FASN: variants seen among roughly 807,000 people sequenced by gnomAD.
FASN encodes the protein 3-hydroxyacyl-[acyl-carrier-protein] dehydratase.
In FASN, 50 loss-of-function variants were observed where a neutral mutation model predicts 250.0. The observed-to-expected ratio is 0.20, with a 90% CI of 0.16 to 0.25. The LOEUF is 0.25. Ranked by LOEUF, FASN falls within the 10% of genes least tolerant of loss-of-function variation. The pLI, the probability that FASN is intolerant of heterozygous loss-of-function variation, is 1.00. For missense variants in FASN, 3,031 were observed against 3,498.5 expected (o/e 0.87, Z 3.37); for synonymous variants, 1,909 against 1,584.0 (o/e 1.21, Z -4.87).
chr17:82,089,628 C>T lies in FASN; in HGVS notation c.1965+4G>A, dbSNP rs1488864366. On this transcript the variant is annotated splice_donor_region_variant and intron_variant, in intron 12 of 42. Coordinates refer to ENST00000306749, the MANE Select transcript of FASN (RefSeq NM_004104.5). ...GAGGAGCCCGCCCAGGCCGCAGCAC[C>T]CACCTGAGGTCCCGAGATGGTGACT... 1 of 1,596,310 alleles carries T rather than the reference C, an allele frequency of 6.3e-7. No individual in the cohort carries two copies. Among genetic ancestry groups the T allele is most frequent in the Non-Finnish European group, 8.5e-7 (1 of 1,172,226 alleles).
In FASN at chr17:82,087,707, G is replaced by C. The variant is rs1400540846; in HGVS notation, c.3021C>G (p.Gly1007=). ...RGYDYGPHFQ[G]ILEASLEGDS... is the part of the protein sequence containing the mutation. ...CACCTTCCAGGCTGGCCTCCAGGAT[G>C]CCCTGGAAATGAGGGCCGTAGTCGT... Residue 1007 remains glycine, a synonymous_variant, in exon 19 of 43, where the codon GGC becomes GGG. Coordinates refer to ENST00000306749, the MANE Select transcript of FASN (RefSeq NM_004104.5). 4.3e-6 allele frequency: 7 copies of C among 1,612,034 alleles called. No homozygotes were observed. The South Asian group carries it at 7.7e-5, about 18-fold the overall frequency.
rs181971369 is a variant in FASN, at chr17:82,089,888, C to T, written c.1871-162G>A. ...GGTTCGCCCCCTGCTGTGTTTGACC[C>T]GTGGGTGGAGGTGTCATTACAGAGC... is the stretch of plus-strand genomic sequence containing the variant. On this transcript the variant is annotated intron_variant, in intron 11 of 42. Transcript: ENST00000306749. 1.6e-4 allele frequency among the ~76,000 whole-genome samples: 25 copies of T among 152,264 alleles called. No homozygotes were observed. The East Asian group carries it at 4.2e-3, about 26-fold the overall frequency.
rs1264824748 is a variant in FASN at position 82,083,190 on chromosome 17, T to C, written c.5565+12A>G. 1 of 1,612,154 alleles carries C rather than the reference T, an allele frequency of 6.2e-7. No homozygotes were observed. Among genetic ancestry groups the C allele is most frequent in the Non-Finnish European group, 8.5e-7 (1 of 1,179,940 alleles). Reference sequence around the variant, plus strand: ...CCTGGGGTGCCCGAGGCGCCGGGACTCCTCCCCTCACCTGCACGACGACTT... The same window carrying C: ...CCTGGGGTGCCCGAGGCGCCGGGACCCCTCCCCTCACCTGCACGACGACTT... On this transcript the variant is annotated intron_variant, in intron 32 of 42. Coordinates refer to ENST00000306749, the MANE Select transcript of FASN (RefSeq NM_004104.5).
chr17:82,091,981 G>A (rs2034218344), intron 8 of FASN, among the ~76,000 whole-genome samples: 1 of 152,242 alleles, frequency 6.6e-6, no homozygotes, highest in African/African-American at 2.4e-5. Flanking sequence ...TGGCCCAGAT[G>A]TTGCATCTCA....
At chr17:82,088,368 C>T (rs766152712) in intron 16 of FASN, 22 bp downstream of exon 16, 5 of 1,611,510 alleles carry the variant, frequency 3.1e-6, no homozygotes, top group Non-Finnish European at 4.2e-6. Context: ...AGAGTCTGCC[C>T]ACCCGCCGGG....
intron 1 of FASN, among the ~76,000 whole-genome samples, chr17:82,097,783 G>T (rs1598586771): frequency 6.6e-6 from 1 of 152,108 alleles, no homozygotes; most frequent in East Asian, 1.9e-4. Context: ...CCGGGAGGAG[G>T]ATGCGGCGGC....
rs371069915 is a variant in FASN, at chr17:82,087,443, C to T, written c.3105G>A (p.Gln1035=). ...NWVSFMDTML[Q]MSILGSAKHG... is the part of the protein sequence containing the mutation. The stretch of plus-strand genomic sequence containing the variant: ...GCTTGGCCGAGCCCAGGATGGACAT[C>T]TGCAGCATGGTGTCCATGAAGCTCA... The change falls in exon 20 of 43, where the codon CAG becomes CAA. Residue 1035 remains glutamine (Q), a synonymous_variant. Coordinates refer to ENST00000306749, the MANE Select transcript of FASN (RefSeq NM_004104.5). 30 of 1,612,614 alleles carry T rather than the reference C, an allele frequency of 1.9e-5. No homozygotes were observed. Among genetic ancestry groups the T allele is most frequent in the African/African-American group, 2.7e-5 (2 of 74,926 alleles).
chr17:82,087,283 T>C (rs959087345), intron 20 of FASN, 30 bp from the exon 21 acceptor site: 3 of 1,603,762 alleles, frequency 1.9e-6, no homozygotes, highest in Non-Finnish European at 2.5e-6. Flanking sequence ...GAGTGCGGCA[T>C]ACTTGGGTGG....
chr17:82,081,085 C>G, intron 38 of FASN, 79 bp downstream of exon 38: 1 of 1,499,098 alleles, frequency 6.7e-7, no homozygotes, highest in Non-Finnish European at 9.0e-7. Context: ...GTATGCCTGC[C>G]GGGACACGGT....
chr17:82,085,776 G>A lies in FASN; in HGVS notation c.3828C>T (p.His1276=), dbSNP rs751971204. 1.9e-6 allele frequency: 3 copies of A among 1,561,572 alleles called. No homozygotes were observed. Among genetic ancestry groups the A allele is most frequent in the Non-Finnish European group, 2.6e-6 (3 of 1,153,806 alleles). The change falls in exon 23 of 43, where the codon CAC becomes CAT. Residue 1276 remains histidine (H), a synonymous_variant. Coordinates refer to ENST00000306749, the MANE Select transcript of FASN (RefSeq NM_004104.5). ...CCTGGGCAGCCTCCAGGGCCTGGGG[G>A]TGGCGGTCGGTGGCCGTGTAGCTCA... ...LQLSYTATDR[H]PQALEAAQAE... is the part of the protein sequence containing the mutation.
rs146291121 is a variant in FASN, at chr17:82,080,907, G to A, written c.6611C>T (p.Thr2204Met). 56 of 1,609,000 alleles carry A rather than the reference G, an allele frequency of 3.5e-5. 1 individual carries two copies. Among genetic ancestry groups the A allele is most frequent in the Non-Finnish European group, 4.2e-5 (49 of 1,178,598 alleles). ...ADEASELACP[T>M]PKEDGLAQQQ... Reference sequence around the variant, plus strand: ...CTGGGCCAGACCATCCTCCTTGGGCGTGGGGCATGCCAGCTCTGTGAAGAC... The same window carrying A: ...CTGGGCCAGACCATCCTCCTTGGGCATGGGGCATGCCAGCTCTGTGAAGAC... Residue 2204 changes from threonine (T) to methionine (M), a missense_variant, in exon 39 of 43, where the codon ACG (threonine) becomes ATG (methionine). Physicochemically the swap from Thr to Met is moderately conservative, Grantham distance 81 (BLOSUM62 -1). Coordinates refer to ENST00000306749, the MANE Select transcript of FASN (RefSeq NM_004104.5).
At chr17:82,084,177 G>T (rs373182411) in intron 28 of FASN, 24 bp from the exon 29 acceptor site, 1 of 1,605,634 alleles carries the variant, frequency 6.2e-7, no homozygotes. Flanking sequence ...AGGTGGGTCA[G>T]CACAGGCCTG....
rs956547646 is a variant in FASN, at chr17:82,078,633, G to A, written c.*510C>T. The stretch of plus-strand genomic sequence containing the variant: ...CCCAGCTCCTCGGGGACTGGCCCAC[G>A]ACCCCCCACTCAGCGGGCTGAGCCA... On this transcript the variant is annotated 3_prime_UTR_variant, in exon 43 of 43. Coordinates refer to ENST00000306749, the MANE Select transcript of FASN (RefSeq NM_004104.5). The surrounding 1 kb of genome is among the most constrained non-coding windows in gnomAD (Gnocchi z 5.4). The A allele has an allele frequency of 8.3e-5, 17 of 205,940 alleles. No individual in the cohort carries two copies. Among genetic ancestry groups the A allele is most frequent in the Admixed American group, 2.7e-4 (5 of 18,762 alleles). The allele number at this position is 205,940 out of a possible 1,614,324, so 12.8% of individuals were successfully genotyped here.
At chr17:82,089,860 A>G (rs1289158568) in intron 11 of FASN, 134 bp from the exon 12 acceptor site, 1 of 806,454 alleles carries the variant, frequency 1.2e-6, no homozygotes, top group African/African-American at 1.7e-5. Flanking sequence ...CCTTCATGAG[A>G]AAGGTTCGCC....
intron 1 of FASN, 93 bp from the exon 2 acceptor site, chr17:82,096,545 G>A (rs1598586104): frequency 6.3e-7 from 1 of 1,575,012 alleles, no homozygotes; most frequent in Non-Finnish European, 8.6e-7. Context: ...CACCCATGGG[G>A]CCAAGCACCA....
In FASN at chr17:82,090,573, G is replaced by A. The variant is rs1389526793; in HGVS notation, c.1681-9C>T. ...AGGTCTATGAGGCCTATCTGGGGTGGGAACAGGACACTCAGGTTGCAACCT... is the reference window on the plus strand; with the variant it reads ...AGGTCTATGAGGCCTATCTGGGGTGAGAACAGGACACTCAGGTTGCAACCT... On this transcript the variant is annotated splice_polypyrimidine_tract_variant and intron_variant, in intron 10 of 42. Coordinates refer to ENST00000306749, the MANE Select transcript of FASN (RefSeq NM_004104.5). 1 of 1,609,182 alleles carries A rather than the reference G, an allele frequency of 6.2e-7. No individual in the cohort carries two copies. Among genetic ancestry groups the A allele is most frequent in the Non-Finnish European group, 8.5e-7 (1 of 1,178,118 alleles).
rs1307433042 is a variant in FASN, at chr17:82,089,731, G to A, written c.1871-5C>T. 7 of 1,583,188 alleles carry A rather than the reference G, an allele frequency of 4.4e-6. No homozygotes were observed. In the African/African-American group the frequency reaches 5.4e-5, roughly 12 times the overall value. On this transcript the variant is annotated splice_polypyrimidine_tract_variant and splice_region_variant and intron_variant, in intron 11 of 42. Coordinates refer to ENST00000306749, the MANE Select transcript of FASN (RefSeq NM_004104.5). ...TACACTCCTCCCAGGACAAGCCTAT[G>A]GCAGAGCCAGCCTCAGAGGCTTAGC...
chr17:82,091,386 C>T lies in FASN; in HGVS notation c.1328G>A (p.Arg443Gln), dbSNP rs199956437. 153 of 1,610,834 alleles carry T rather than the reference C, an allele frequency of 9.5e-5. No individual in the cohort carries two copies. The highest frequency in any genetic ancestry group is 1.0e-4 in the Admixed American group (6 of 59,846). Residue 443 changes from arginine to glutamine, a missense_variant, in exon 9 of 43, where the codon CGG becomes CAG. Physicochemically the swap from Arg to Gln is conservative, Grantham distance 43. Coordinates refer to ENST00000306749, the MANE Select transcript of FASN (RefSeq NM_004104.5). ...CAGGAAAGCCAGGTCCTGGCTGTGC[C>T]GGAGGCCCTGCTCCAGCAGCTTCTG... is the stretch of plus-strand genomic sequence containing the variant. ...AVQKLLEQGL[R>Q]HSQDLAFLSM...
Position 82,079,755 on chromosome 17 carries a change from C to G in FASN, c.7147-147G>C, listed in dbSNP as rs561905852. Reference sequence around the variant, plus strand: ...GGAGTGGGGCGATCTCAGCTCACCGCAACCTCCACCTACCCGGTTCAAGCG... The same window carrying G: ...GGAGTGGGGCGATCTCAGCTCACCGGAACCTCCACCTACCCGGTTCAAGCG... On this transcript the variant is annotated intron_variant, in intron 41 of 42. Transcript: ENST00000306749. The G allele has an allele frequency of 6.9e-5, 76 of 1,106,666 alleles. 4 individuals carry two copies. In the South Asian group the frequency reaches 1.2e-3, roughly 18 times the overall value. 68.6% of individuals were successfully genotyped at this position (1,106,666 alleles called of 1,614,324 possible).
Sources: allele counts gnomAD v4.1 joint callset (sites outside exome capture counted in the v4.1 genomes callset), GRCh38; gene constraint gnomAD v4.1.1; non-coding constraint Gnocchi (gnomAD v3.1); transcripts MANE v1.5; gene names NCBI Gene and HGNC (gene_info 2026-07-23, HGNC 2026-07-21).